The following HCFC2 variants were observed in gnomAD, a reference collection of about 807,000 sequenced individuals.
HCFC2 encodes host cell factor 2.
In HCFC2, 18 loss-of-function variants were observed where a neutral mutation model predicts 89.2. The observed-to-expected ratio is 0.20, with a 90% confidence interval of 0.14 to 0.30. The LOEUF (loss-of-function observed/expected upper bound fraction) is 0.30. Among genes scored for constraint, HCFC2 ranks in the 10% least tolerant of loss-of-function variants. The pLI, the probability that HCFC2 is intolerant of heterozygous loss-of-function variation, is 1.00. For synonymous variants in HCFC2, 308 were observed against 335.7 expected, an observed-to-expected ratio of 0.92 and a Z score of 0.90; for missense variants, 578 against 956.1, an observed-to-expected ratio of 0.60 and a Z score of 5.21.
chr12:104,087,226 T>A (rs960076181), intron 8 of HCFC2, among the ~76,000 whole-genome samples: 7 of 151,536 alleles, frequency 4.6e-5, no homozygotes, highest in African/African-American at 9.7e-5. Context: ...TGGTGGTGCA[T>A]ACCTGTAATC....
chr12:104,067,946 G>A lies in HCFC2; in HGVS notation c.313-1G>A. ...TGTATTTGTGCCCTTTTTTTTTTTA[G>A]GCAAGTCGTTGGTTATGGAAAAAAG... On this transcript the variant is annotated splice_acceptor_variant, in intron 2 of 14. Coordinates refer to ENST00000229330, the MANE Select transcript of HCFC2 (RefSeq NM_013320.3). LOFTEE classifies it high-confidence loss of function. The A allele has an allele frequency of 6.4e-7, 1 of 1,562,254 alleles. No homozygotes were observed.
At position 104,088,009 on chromosome 12, in the gene HCFC2, C is replaced by G. The variant is rs1447676090; in HGVS notation, c.1255C>G (p.Gln419Glu). The G allele has an allele frequency of 6.2e-7, 1 of 1,608,370 alleles. No individual in the cohort carries two copies. Among genetic ancestry groups the G allele is most frequent in the East Asian group, 2.3e-5 (1 of 44,386 alleles). Residue 419 changes from glutamine to glutamate, a missense_variant, in exon 9 of 15, where the codon CAA (glutamine) becomes GAA (glutamate). By Grantham distance (29) the Gln-to-Glu change is conservative. Coordinates refer to ENST00000229330, the MANE Select transcript of HCFC2 (RefSeq NM_013320.3). ...MQGVRMDPHR[Q>E]GSNNIVPNSI... is the part of the protein sequence containing the mutation. ...AGGAGTCAGGATGGACCCTCACAGA[C>G]AAGGCAGTAATAACATCGTTCCTAA...
intron 3 of HCFC2, among the ~76,000 whole-genome samples, chr12:104,070,578 C>G (rs954909424): frequency 2.6e-5 from 4 of 152,074 alleles, no homozygotes; most frequent in African/African-American, 9.7e-5. Context: ...GAAATAAGAT[C>G]ATTGGTATAA....
intron 3 of HCFC2, among the ~76,000 whole-genome samples, chr12:104,070,259 AC>A (rs1244215375): frequency 2.6e-5 from 4 of 151,420 alleles, no homozygotes; most frequent in Non-Finnish European, 5.9e-5. Context: ...CGATCTCCTG[AC>A]CTCGTGATCT....
At position 104,102,947 on chromosome 12, in the gene HCFC2, C is replaced by T; in HGVS notation, c.2065-12C>T. The T allele has an allele frequency of 2.5e-6, 4 of 1,585,660 alleles. No individual in the cohort carries two copies. The highest frequency in any genetic ancestry group is 3.4e-6 in the Non-Finnish European group (4 of 1,162,172). On this transcript the variant is annotated splice_polypyrimidine_tract_variant and intron_variant, in intron 14 of 14. Coordinates refer to ENST00000229330, the MANE Select transcript of HCFC2 (RefSeq NM_013320.3). ...AAGAACCTTTAACCTGTTTTTTCCC[C>T]CCCCCTTCAAGAATGTTGAAGGTAT...
At chr12:104,093,231 G>A (rs192276316) in intron 9 of HCFC2, among the ~76,000 whole-genome samples, 155 bp from the exon 10 acceptor site, 14 of 152,202 alleles carry the variant, frequency 9.2e-5, no homozygotes, top group African/African-American at 3.4e-4. Context: ...TTATAAAATT[G>A]AAGAATAATC....
intron 1 of HCFC2, 78 bp from the exon 2 acceptor site, chr12:104,066,089 T>A: frequency 7.3e-7 from 1 of 1,367,182 alleles, no homozygotes; most frequent in Non-Finnish European, 1.0e-6. Flanking sequence ...CCCACTGATA[T>A]TGATGATATA....
At chr12:104,087,468 T>TATATATATATAC (rs1883896803) in intron 8 of HCFC2, among the ~76,000 whole-genome samples, 1 of 268 alleles carries the variant, frequency 3.7e-3, no homozygotes, top group African/African-American at 0.011. Context: ...TATATATACA[T>TATATATATATAC]ATATATATAT....
Position 104,095,625 on chromosome 12 carries a change from T to TA in HCFC2, c.1666+63dup, listed in dbSNP as rs1884155989. On this transcript the variant is annotated intron_variant, in intron 11 of 14. Transcript: ENST00000229330. This position sits in a 1 kb window ranked among gnomAD's most constrained non-coding sequence, Gnocchi z 4.2. ...TTTATGTATATAAATTCATCAAACT[T>TA]ACTTGTCTTAGATGGGAGTTGCATT... 6.7e-6 allele frequency: 9 copies of TA among 1,338,476 alleles called. No individual in the cohort carries two copies. The highest frequency in any genetic ancestry group is 1.9e-5 in the Admixed American group (1 of 51,698). The allele number at this position is 1,338,476 out of a possible 1,614,324, so 82.9% of individuals were successfully genotyped here. A position where few individuals can be genotyped will look rare whatever the true frequency, so the allele number is the denominator to read the frequency against.
intron 12 of HCFC2, 192 bp from the exon 13 acceptor site, chr12:104,098,151 G>T (rs546899370): frequency 1.1e-4 from 49 of 460,234 alleles, no homozygotes; most frequent in African/African-American, 9.7e-4. Context: ...TGTCACTCCT[G>T]TGTTTGAATT....
rs2030045952 is a variant in HCFC2 at position 104,104,836 on chromosome 12, T to C, written c.*1563T>C. On this transcript the variant is annotated 3_prime_UTR_variant, in exon 15 of 15. Transcript: ENST00000229330. ...TTCCAAACTCTAAAGATAAAATAAA[T>C]GCACTACTATGGTGTTGTTAGAATA... 6.6e-6 allele frequency: 1 copy of C among 152,006 alleles called. No individual in the cohort carries two copies. The highest frequency in any genetic ancestry group is 2.4e-5 in the African/African-American group (1 of 41,436). The allele number at this position is 152,006 out of a possible 1,614,324, so 9.4% of individuals were successfully genotyped here.
rs1334445769 is a variant in HCFC2 at position 104,068,317 on chromosome 12, C to T, written c.473+210C>T. On this transcript the variant is annotated intron_variant, in intron 3 of 14. Coordinates refer to ENST00000229330, the MANE Select transcript of HCFC2 (RefSeq NM_013320.3). The surrounding 1 kb of genome is among the most constrained non-coding windows in gnomAD (Gnocchi z 4.1). The stretch of plus-strand genomic sequence containing the variant: ...GTCTTTTCTTCAGAAAGCATTGGAG[C>T]TAAAAACAAAAAAACTGTGTCTTTC... Among the ~76,000 whole-genome samples the T allele has an allele frequency of 6.6e-6, 1 of 151,744 alleles. No individual in the cohort carries two copies. The highest frequency in any genetic ancestry group is 6.6e-5 in the Admixed American group (1 of 15,240).
chr12:104,078,535 T>C (rs1396202006), intron 3 of HCFC2, among the ~76,000 whole-genome samples: 1 of 152,218 alleles, frequency 6.6e-6, no homozygotes, highest in Non-Finnish European at 1.5e-5. Flanking sequence ...GTTAAAAAGC[T>C]ATGTAGGACA....
intron 6 of HCFC2, 39 bp from the exon 7 acceptor site, chr12:104,082,674 A>ATG (rs1242129069): frequency 1.3e-6 from 2 of 1,584,504 alleles, no homozygotes; most frequent in South Asian, 2.3e-5. Flanking sequence ...AATTTTGTTA[A>ATG]GAACAAAAGA....
At chr12:104,082,047 G>T (rs1336003213) in intron 5 of HCFC2, among the ~76,000 whole-genome samples, 5 of 151,978 alleles carry the variant, frequency 3.3e-5, no homozygotes, top group Non-Finnish European at 5.9e-5. Context: ...AACTCCTAGG[G>T]CCCTAAAGGA....
chr12:104,101,859 A>C, intron 13 of HCFC2, 109 bp from the exon 14 acceptor site: 1 of 649,372 alleles, frequency 1.5e-6, no homozygotes, highest in South Asian at 4.2e-5. Flanking sequence ...ACCTTAAAAC[A>C]TAATTTATTC....
At chr12:104,067,890 A>G (rs143406955) in intron 2 of HCFC2, 57 bp from the exon 3 acceptor site, 33 of 1,504,052 alleles carry the variant, frequency 2.2e-5, no homozygotes, top group African/African-American at 2.1e-4. Flanking sequence ...ACTATTGACA[A>G]TATAGGAGTG....
Position 104,084,689 on chromosome 12 carries a change from T to C in HCFC2, c.1063+1788T>C, listed in dbSNP as rs554091294. Among the ~76,000 whole-genome samples, 250 of 152,270 alleles carry C rather than the reference T, an allele frequency of 1.6e-3. 1 individual carries two copies. The highest frequency in any genetic ancestry group is 3.1e-3 in the South Asian group (15 of 4,830). ...TTTGGAATGGTCACTGGCAGTTGTA[T>C]GGAAAAAATTGTAGGTGCACACTGC... On this transcript the variant is annotated intron_variant, in intron 7 of 14. Transcript: ENST00000229330.
chr12:104,092,706 G>A (rs1349683505), intron 9 of HCFC2, among the ~76,000 whole-genome samples: 2 of 151,868 alleles, frequency 1.3e-5, no homozygotes, highest in Non-Finnish European at 2.9e-5. Flanking sequence ...CACAGGAGGT[G>A]CAGGTTGCAG....
Sources: allele counts gnomAD v4.1 joint callset (sites outside exome capture counted in the v4.1 genomes callset), GRCh38; gene constraint gnomAD v4.1.1; non-coding constraint Gnocchi (gnomAD v3.1); transcripts MANE v1.5; gene names NCBI Gene and HGNC (gene_info 2026-07-23, HGNC 2026-07-21).